SAMD4A: variants seen among roughly 807,000 people sequenced by gnomAD.
The protein encoded by SAMD4A is sterile alpha motif domain containing 4A.
Under a neutral mutation model 81.3 loss-of-function variants are expected in SAMD4A, and 33 were observed. The ratio of observed to expected loss-of-function variants is 0.41; its 90% CI spans 0.31 to 0.54. The LOEUF is 0.54. Among genes scored for constraint, SAMD4A ranks in the 20% least tolerant of loss-of-function variants. SAMD4A has a pLI of 0.37. For synonymous variants in SAMD4A, 389 were observed against 382.1 expected (o/e 1.02, Z -0.21); for missense variants, 854 against 951.1 (o/e 0.90, Z 1.34).
At chr14:54,777,417 T>G (rs573764695) in intron 11 of SAMD4A, among the ~76,000 whole-genome samples, 20 of 152,178 alleles carry the variant, frequency 1.3e-4, no homozygotes, top group African/African-American at 3.9e-4. Context: ...AAGGCAGAGT[T>G]ACAGGCAGAA....
At chr14:54,624,677 GTTTTAC>G (rs1364055639) in intron 2 of SAMD4A, among the ~76,000 whole-genome samples, 5 of 152,128 alleles carry the variant, frequency 3.3e-5, no homozygotes, top group Admixed American at 6.6e-5. Flanking sequence ...AAAGCAAATA[GTTTTAC>G]TTATATGGCT....
At chr14:54,740,546 A>C (rs1037176264) in intron 4 of SAMD4A, among the ~76,000 whole-genome samples, 4 of 152,206 alleles carry the variant, frequency 2.6e-5, no homozygotes, top group Non-Finnish European at 5.9e-5. Context: ...AGCTGTGAAT[A>C]TCTCTCTGAA....
chr14:54,748,967 C>A (rs1402524422), intron 5 of SAMD4A, 43 bp downstream of exon 5: 9 of 1,415,302 alleles, frequency 6.4e-6, no homozygotes, highest in Middle Eastern at 1.8e-4. Flanking sequence ...GTGCCCCAGG[C>A]AGGACCTGAA....
chr14:54,687,577 G>A (rs907076115), intron 2 of SAMD4A, among the ~76,000 whole-genome samples: 3 of 152,206 alleles, frequency 2.0e-5, no homozygotes, highest in African/African-American at 7.2e-5. Context: ...ATCTGGGCCG[G>A]CGATGCTTGT....
At position 54,748,918 on chromosome 14, in the gene SAMD4A, G is replaced by A; in HGVS notation, c.1083G>A (p.Glu361=). 6.4e-7 allele frequency: 1 copy of A among 1,551,822 alleles called. No individual in the cohort carries two copies. Among genetic ancestry groups the A allele is most frequent in the Non-Finnish European group, 8.7e-7 (1 of 1,146,590 alleles). The change falls in exon 5 of 13, where the codon GAG becomes GAA. Residue 361 remains glutamate, a synonymous_variant. Coordinates refer to ENST00000554335, the MANE Select transcript of SAMD4A (RefSeq NM_015589.6). The stretch of plus-strand genomic sequence containing the variant: ...TGGCCCTCACCGAGTGCCAGCTGGA[G>A]GCGCAGGTATGTGCTTGAGGTGACT... ...EMMALTECQL[E]AQNVTKGARH... is the part of the protein sequence containing the mutation.
At chr14:54,660,033 A>T (rs1355986452) in intron 2 of SAMD4A, among the ~76,000 whole-genome samples, 1 of 151,854 alleles carries the variant, frequency 6.6e-6, no homozygotes, top group Admixed American at 6.6e-5. Flanking sequence ...GTGAGCCGAG[A>T]TCGCCCCACT....
chr14:54,579,144 CA>C (rs2033392993), intron 2 of SAMD4A, among the ~76,000 whole-genome samples: 1 of 152,176 alleles, frequency 6.6e-6, no homozygotes, highest in Non-Finnish European at 1.5e-5. Flanking sequence ...CAGCAACATA[CA>C]CACACAAACA....
chr14:54,748,601 G>T (rs934420547), intron 4 of SAMD4A, among the ~76,000 whole-genome samples: 1 of 152,208 alleles, frequency 6.6e-6, no homozygotes, highest in African/African-American at 2.4e-5. Context: ...GGTCTAAGTA[G>T]AATAAAGGAG....
intron 2 of SAMD4A, among the ~76,000 whole-genome samples, chr14:54,643,951 C>T (rs554688703): frequency 1.2e-4 from 18 of 152,102 alleles, no homozygotes; most frequent in African/African-American, 1.7e-4. Flanking sequence ...TCACACTGGG[C>T]GGGGAAGACT....
At chr14:54,692,876 G>GCCCCCCCC (rs56082229) in intron 2 of SAMD4A, 1 of 132,412 alleles carries the variant, frequency 7.6e-6, no homozygotes, top group African/African-American at 2.7e-5. Context: ...ATCACTTAGT[G>GCCCCCCCC]CCCCCCCCCG....
At chr14:54,764,414 G>T in intron 7 of SAMD4A, 41 bp from the exon 8 acceptor site, 1 of 1,309,970 alleles carries the variant, frequency 7.6e-7, no homozygotes, top group Non-Finnish European at 1.1e-6. Flanking sequence ...AGATTAGAAA[G>T]GGGTGCATTT....
intron 4 of SAMD4A, among the ~76,000 whole-genome samples, chr14:54,743,851 T>C (rs551630819): frequency 2.0e-5 from 3 of 152,160 alleles, no homozygotes; most frequent in Non-Finnish European, 2.9e-5. Flanking sequence ...TGGAACAGAG[T>C]TGGGCTGCTT....
chr14:54,579,441 A>C (rs553199629), intron 2 of SAMD4A, among the ~76,000 whole-genome samples: 9 of 152,390 alleles, frequency 5.9e-5, no homozygotes, highest in African/African-American at 2.2e-4. Flanking sequence ...CTATTGCATG[A>C]ATGCTGAAGA....
At chr14:54,650,365 A>G (rs2035377076) in intron 2 of SAMD4A, among the ~76,000 whole-genome samples, 1 of 152,212 alleles carries the variant, frequency 6.6e-6, no homozygotes, top group Non-Finnish European at 1.5e-5. Context: ...TAGGATCCCC[A>G]TGTTATTGGC....
intron 3 of SAMD4A, among the ~76,000 whole-genome samples, chr14:54,713,507 C>T (rs1271032562): frequency 6.6e-6 from 1 of 152,104 alleles, no homozygotes; most frequent in Non-Finnish European, 1.5e-5. Flanking sequence ...GGCTAAAACT[C>T]CCAACATACT....
At chr14:54,747,077 C>T (rs544593780) in intron 4 of SAMD4A, among the ~76,000 whole-genome samples, 2 of 152,254 alleles carry the variant, frequency 1.3e-5, no homozygotes, top group South Asian at 4.1e-4. Context: ...GATCCAACTG[C>T]AATTTGAGTG....
At chr14:54,751,562 T>G in intron 6 of SAMD4A, 25 bp downstream of exon 6, 1 of 1,439,932 alleles carries the variant, frequency 6.9e-7, no homozygotes, top group Non-Finnish European at 9.7e-7. Context: ...GAGGGAACAT[T>G]TCCACTTTCA....
chr14:54,759,778 G>T (rs553932650), intron 6 of SAMD4A, among the ~76,000 whole-genome samples: 28 of 152,248 alleles, frequency 1.8e-4, no homozygotes, highest in South Asian at 1.7e-3. Flanking sequence ...ACATACACAG[G>T]ACACAAAGCC....
intron 8 of SAMD4A, among the ~76,000 whole-genome samples, chr14:54,766,949 T>A (rs964469982): frequency 1.3e-5 from 2 of 152,120 alleles, no homozygotes; most frequent in Non-Finnish European, 2.9e-5. Context: ...TTTTGTTTTT[T>A]CCCCTTGACC....
Sources: allele counts gnomAD v4.1 joint callset (sites outside exome capture counted in the v4.1 genomes callset), GRCh38; gene constraint gnomAD v4.1.1; transcripts MANE v1.5; gene names NCBI Gene and HGNC (gene_info 2026-07-23, HGNC 2026-07-21).